The following PRIMA1 variants were observed in gnomAD, a reference collection of about 807,000 sequenced individuals.
The protein encoded by PRIMA1 is proline-rich membrane anchor 1.
In PRIMA1, 7 loss-of-function variants were observed where a neutral mutation model predicts 17.5. That is an observed-to-expected ratio of 0.40 (90% CI 0.23 to 0.75). The LOEUF (loss-of-function observed/expected upper bound fraction) is 0.75. PRIMA1 is among the 30% of genes least tolerant of loss of function. The pLI, the probability that PRIMA1 is intolerant of heterozygous loss-of-function variation, is 0.37. For synonymous variants in PRIMA1, 97 were observed against 77.9 expected, an observed-to-expected ratio of 1.25 and a Z score of -1.29; for missense variants, 200 against 201.8, an observed-to-expected ratio of 0.99 and a Z score of 0.05.
Position 93,767,382 on chromosome 14 carries a change from T to C in PRIMA1, c.229+11794A>G, listed in dbSNP as rs377487828. Among the ~76,000 whole-genome samples the C allele has an allele frequency of 3.9e-4, 59 of 152,266 alleles. No homozygotes were observed. In the South Asian group the frequency reaches 0.012, roughly 32 times the overall value. Reference sequence around the variant, plus strand: ...GATTCTAACTAGGTGAGTCTCACTGTGGACCCTGCTGCTGGAGAGAGGAGG... The same window carrying C: ...GATTCTAACTAGGTGAGTCTCACTGCGGACCCTGCTGCTGGAGAGAGGAGG... On this transcript the variant is annotated intron_variant, in intron 3 of 4. Transcript: ENST00000393140.
chr14:93,759,304 C>T (rs1208766487), intron 3 of PRIMA1, among the ~76,000 whole-genome samples: 1 of 152,104 alleles, frequency 6.6e-6, no homozygotes, highest in Non-Finnish European at 1.5e-5. Context: ...CAGTAAATGC[C>T]GGTAGTGCTT....
intron 3 of PRIMA1, among the ~76,000 whole-genome samples, chr14:93,756,152 G>C (rs181205032): frequency 1.1e-3 from 171 of 152,250 alleles, no homozygotes; most frequent in African/African-American, 3.7e-3. Flanking sequence ...GATCTTCCAG[G>C]CTTGGCCACC....
At chr14:93,721,583 G>C (rs760113717) in intron 4 of PRIMA1, 37 bp from the exon 5 acceptor site, 14 of 1,251,530 alleles carry the variant, frequency 1.1e-5, no homozygotes, top group East Asian at 9.2e-5. Flanking sequence ...AGGCAAAGGA[G>C]GGGGAGGCAG....
intron 4 of PRIMA1, among the ~76,000 whole-genome samples, chr14:93,729,582 G>A (rs2076100424): frequency 6.6e-6 from 1 of 152,222 alleles, no homozygotes; most frequent in East Asian, 1.9e-4. Flanking sequence ...GGTCCTCACT[G>A]CTGGCCTCTG....
chr14:93,752,194 TTATTTGATTCTCAGATCCCTCCCCCTCA>T (rs932005357), intron 3 of PRIMA1, among the ~76,000 whole-genome samples: 1 of 152,196 alleles, frequency 6.6e-6, no homozygotes, highest in Admixed American at 6.5e-5. Flanking sequence ...TTAGATTCTT[TTATTTGATTCTCAGATCCCTCCCCCTCA>T]AACAGGCAAG....
rs566072165 is a variant in PRIMA1 at position 93,745,250 on chromosome 14, G to C, written c.230-7880C>G. Among the ~76,000 whole-genome samples the C allele has an allele frequency of 9.3e-4, 141 of 152,330 alleles. 1 individual carries two copies. Among genetic ancestry groups the C allele is most frequent in the Non-Finnish European group, 1.6e-3 (107 of 68,024 alleles). Reference sequence around the variant, plus strand: ...ATGCATAACGCCTTGGTCAGCCTGTGGTGGGTGGTTTGGCAGGAAGTCAGA... The same window carrying C: ...ATGCATAACGCCTTGGTCAGCCTGTCGTGGGTGGTTTGGCAGGAAGTCAGA... On this transcript the variant is annotated intron_variant, in intron 3 of 4. Coordinates refer to ENST00000393140, the MANE Select transcript of PRIMA1 (RefSeq NM_178013.4).
chr14:93,763,660 T>A (rs1174961938), intron 3 of PRIMA1, among the ~76,000 whole-genome samples: 1 of 152,124 alleles, frequency 6.6e-6, no homozygotes, highest in African/African-American at 2.4e-5. Flanking sequence ...GTGGGGTGGA[T>A]GCGTGCCCCG....
At chr14:93,732,450 C>T (rs948512491) in intron 4 of PRIMA1, among the ~76,000 whole-genome samples, 18 of 152,224 alleles carry the variant, frequency 1.2e-4, no homozygotes, top group Non-Finnish European at 2.1e-4. Flanking sequence ...CTGCCCTGGA[C>T]GGACACTCGT....
At chr14:93,782,621 A>G (rs1885415304) in intron 2 of PRIMA1, among the ~76,000 whole-genome samples, 2 of 152,214 alleles carry the variant, frequency 1.3e-5, no homozygotes, top group Admixed American at 6.5e-5. Context: ...CCCTGCTTCA[A>G]AACAAAACAA....
At chr14:93,734,634 C>G (rs956262213) in intron 4 of PRIMA1, among the ~76,000 whole-genome samples, 9 of 152,046 alleles carry the variant, frequency 5.9e-5, no homozygotes, top group Non-Finnish European at 1.3e-4. Context: ...GGAAGAAGCC[C>G]CATCCATGCC....
intron 3 of PRIMA1, among the ~76,000 whole-genome samples, chr14:93,753,748 A>G (rs1333659666): frequency 6.6e-6 from 1 of 151,882 alleles, no homozygotes; most frequent in African/African-American, 2.4e-5. Flanking sequence ...TGTGGAGAGG[A>G]CTCCTTTGAT....
chr14:93,787,645 G>A lies in PRIMA1; in HGVS notation c.74C>T (p.Pro25Leu). The A allele has an allele frequency of 6.5e-7, 1 of 1,542,672 alleles. No homozygotes were observed. Among genetic ancestry groups the A allele is most frequent in the South Asian group, 1.2e-5 (1 of 84,038 alleles). The change falls in exon 2 of 5, where the codon CCG becomes CTG. Residue 25 changes from proline to leucine, a missense_variant. Physicochemically the swap from Pro to Leu is moderately conservative, Grantham distance 98. Transcript: ENST00000393140. ...TCTCACCTGCACGAAGCCCCAGAGC[G>A]GGTGGAGCGCGCAGTGCAGCAGCAG... ...SSLLLHCALH[P>L]LWGFVQVTHG...
chr14:93,772,886 C>T (rs1885109604), intron 3 of PRIMA1, among the ~76,000 whole-genome samples: 2 of 152,164 alleles, frequency 1.3e-5, no homozygotes, highest in South Asian at 2.1e-4. Context: ...AGGTTAGTGA[C>T]GTACTCTCAT....
intron 2 of PRIMA1, 49 bp downstream of exon 2, chr14:93,787,577 C>A: frequency 1.3e-6 from 2 of 1,536,932 alleles, no homozygotes; most frequent in Non-Finnish European, 1.7e-6. Context: ...GACAGCTCGC[C>A]CCTTACCCAG....
chr14:93,751,604 A>G (rs907447123), intron 3 of PRIMA1, among the ~76,000 whole-genome samples: 1 of 152,192 alleles, frequency 6.6e-6, no homozygotes, highest in African/African-American at 2.4e-5. Context: ...CCTTCCCAGG[A>G]CCACCCTTTG....
chr14:93,737,207 G>A (rs749159038), intron 4 of PRIMA1, 34 bp downstream of exon 4: 16 of 1,608,986 alleles, frequency 9.9e-6, no homozygotes, highest in Admixed American at 8.4e-5. Context: ...GGTTCCCTTC[G>A]GCTTGAAGCT....
chr14:93,783,931 G>A (rs141212846), intron 2 of PRIMA1, among the ~76,000 whole-genome samples: 21 of 149,052 alleles, frequency 1.4e-4, no homozygotes, highest in South Asian at 1.0e-3. Context: ...TCCTACCACC[G>A]TCCTACTCCT....
In PRIMA1 at chr14:93,787,721, C is replaced by G; in HGVS notation, c.-3G>C. 2 of 1,542,696 alleles carry G rather than the reference C, an allele frequency of 1.3e-6. No individual in the cohort carries two copies. The highest frequency in any genetic ancestry group is 1.7e-6 in the Non-Finnish European group (2 of 1,146,460). On this transcript the variant is annotated 5_prime_UTR_variant, in exon 2 of 5. Transcript: ENST00000393140. Reference sequence around the variant, plus strand: ...AGCACCAAGTCCCGGAGGAGCATCTCGGCCAGCGGCGCCCGCTCCTGGGGC... The same window carrying G: ...AGCACCAAGTCCCGGAGGAGCATCTGGGCCAGCGGCGCCCGCTCCTGGGGC...
At chr14:93,782,799 G>A (rs1350696869) in intron 2 of PRIMA1, among the ~76,000 whole-genome samples, 3 of 152,198 alleles carry the variant, frequency 2.0e-5, no homozygotes, top group Non-Finnish European at 4.4e-5. Context: ...TCCAGTCCAA[G>A]CCTGTGGCGT....
Sources: gnomAD v4.1 joint callset for allele counts (sites outside exome capture counted in the v4.1 genomes callset) on GRCh38, gnomAD v4.1.1 for gene constraint, MANE v1.5 for transcripts, NCBI Gene and HGNC (gene_info 2026-07-23, HGNC 2026-07-21) for gene names.